ZNF14: variants seen among roughly 807,000 people sequenced by gnomAD.
ZNF14 encodes the protein gonadotropin inducible transcription repressor-4.
A neutral mutation model predicts 11.3 loss-of-function variants in ZNF14; 9 were observed. The observed-to-expected ratio is 0.80, with a 90% CI of 0.48 to 1.39. The LOEUF (loss-of-function observed/expected upper bound fraction) is 1.39. Among genes scored for constraint, ZNF14 ranks in the 40% most tolerant of loss-of-function variants. The pLI is 0.00. For synonymous variants in ZNF14, 239 were observed against 245.7 expected, an observed-to-expected ratio of 0.97 and a Z score of 0.25; for missense variants, 711 against 763.9, an observed-to-expected ratio of 0.93 and a Z score of 0.82.
At chr19:19,729,258 G>C (rs911070023) in intron 1 of ZNF14, among the ~76,000 whole-genome samples, 5 of 151,058 alleles carry the variant, frequency 3.3e-5, no homozygotes, top group African/African-American at 1.2e-4. Context: ...TTACAGGTGT[G>C]AGCCATTGTG....
In ZNF14 at chr19:19,710,482, A is replaced by AT. The variant is rs2062355351; in HGVS notation, c.*869_*870insA. 2 of 152,210 alleles carry AT rather than the reference A, an allele frequency of 1.3e-5. No homozygotes were observed. Among genetic ancestry groups the AT allele is most frequent in the African/African-American group, 2.4e-5 (1 of 41,458 alleles). The allele number at this position is 152,210 out of a possible 1,614,324, so 9.4% of individuals were successfully genotyped here. ...AAATGTTATAATTTATAAGATTGTA[A>AT]AATTTTATTACTGGGCTGTTTACAT... On this transcript the variant is annotated 3_prime_UTR_variant, in exon 4 of 4. Transcript: ENST00000344099.
rs2062361235 is a variant in ZNF14, at chr19:19,711,805, C to A, written c.1476G>T (p.Leu492=). ...TCTCTCCAGTGTGTGTTCTTTCATG[C>A]AGTCGAAAGGAACTGGAACGAATGA... The part of the protein sequence containing the change: ...KVFIRSSSFR[L]HERTHTGEKP... Residue 492 remains leucine, a synonymous_variant, in exon 4 of 4, where the codon CTG becomes CTT. Coordinates refer to ENST00000344099, the MANE Select transcript of ZNF14 (RefSeq NM_021030.3). 1 of 1,612,148 alleles carries A rather than the reference C, an allele frequency of 6.2e-7. No individual in the cohort carries two copies. Among genetic ancestry groups the A allele is most frequent in the Admixed American group, 1.7e-5 (1 of 59,832 alleles).
chr19:19,711,357 CTT>C lies in ZNF14; in HGVS notation c.1922_1923del (p.Lys641SerfsTer5). The C allele has an allele frequency of 6.5e-7, 1 of 1,543,188 alleles. No homozygotes were observed. Among genetic ancestry groups the C allele is most frequent in the Non-Finnish European group, 8.7e-7 (1 of 1,150,684 alleles). ...RLHERTHMGE[K>X]V The stretch of plus-strand genomic sequence containing the variant: ...TCAGAATGTTGCTTATATTCTTAGA[CTT>C]TCTCTCCCATATGAGTCCTTTCATG... On this transcript the variant is annotated frameshift_variant, in exon 4 of 4. Transcript: ENST00000344099. LOFTEE classifies it high-confidence loss of function.
rs752723335 is a variant in ZNF14 at position 19,711,473 on chromosome 19, C to T, written c.1808G>A (p.Arg603Gln). The T allele has an allele frequency of 1.7e-5, 27 of 1,613,772 alleles. No homozygotes were observed. The highest frequency in any genetic ancestry group is 1.6e-4 in the Middle Eastern group (1 of 6,084). The stretch of plus-strand genomic sequence containing the variant: ...TCCAGTGTGAGACCTTTCATGAATT[C>T]GAACAGAACTTGAAAATCTGAAGGC... Reference protein sequence around the residue: ...GKAFRFSSSVRIHERSHTGEK... With the variant: ...GKAFRFSSSVQIHERSHTGEK... The change falls in exon 4 of 4, where the codon CGA becomes CAA. Residue 603 changes from arginine (R) to glutamine (Q), a missense_variant. By Grantham distance (43) the Arg-to-Gln change is conservative. Transcript: ENST00000344099.
intron 1 of ZNF14, among the ~76,000 whole-genome samples, chr19:19,722,708 T>C (rs8113100): frequency 0.01 from 1,533 of 152,338 alleles, 25 homozygotes; most frequent in African/African-American, 0.035. Context: ...TCCATGAGCA[T>C]GGAATGTTCT....
intron 1 of ZNF14, among the ~76,000 whole-genome samples, chr19:19,729,157 T>C (rs1273642817): frequency 1.3e-5 from 2 of 151,632 alleles, no homozygotes; most frequent in Non-Finnish European, 1.5e-5. Flanking sequence ...TTGTATTTTT[T>C]AGTAGAGACA....
Position 19,712,600 on chromosome 19 carries a change from C to T in ZNF14, c.681G>A (p.Gln227=), listed in dbSNP as rs544461798. The T allele has an allele frequency of 1.2e-6, 2 of 1,613,492 alleles. No individual in the cohort carries two copies. Among genetic ancestry groups the T allele is most frequent in the Non-Finnish European group, 1.7e-6 (2 of 1,179,860 alleles). Reference sequence around the variant, plus strand: ...GGTAACATATAAAGGCTTTCCCACACTGTTTACATTCATAGGGTTTCTTTC... The same window carrying T: ...GGTAACATATAAAGGCTTTCCCACATTGTTTACATTCATAGGGTTTCTTTC... ...HTGKKPYECK[Q]CGKAFICYQS... is the part of the protein sequence containing the mutation. Residue 227 remains glutamine, a synonymous_variant, in exon 4 of 4, where the codon CAG becomes CAA. Coordinates refer to ENST00000344099, the MANE Select transcript of ZNF14 (RefSeq NM_021030.3).
Position 19,713,046 on chromosome 19 carries a change from T to C in ZNF14, c.235A>G (p.Lys79Glu). ...ERLCESRRGS[K>E]CGETTSQMPN... The stretch of plus-strand genomic sequence containing the variant: ...ATCTGGCTAGTGGTTTCTCCACATT[T>C]GCTACCTCTTCTACTTTCACAGAGT... The change falls in exon 4 of 4, where the codon AAA (lysine) becomes GAA (glutamate). Residue 79 changes from lysine to glutamate, a missense_variant. By Grantham distance (56) the Lys-to-Glu change is moderately conservative. Transcript: ENST00000344099. The C allele has an allele frequency of 6.2e-7, 1 of 1,611,540 alleles. No individual in the cohort carries two copies. The highest frequency in any genetic ancestry group is 8.5e-7 in the Non-Finnish European group (1 of 1,178,504).
rs907353062 is a variant in ZNF14 at position 19,725,369 on chromosome 19, T to C, written c.3+7587A>G. On this transcript the variant is annotated intron_variant, in intron 1 of 3. Coordinates refer to ENST00000344099, the MANE Select transcript of ZNF14 (RefSeq NM_021030.3). Reference sequence around the variant, plus strand: ...GTTTGGCTGGATATGAAATTCTGGGTTGAAAATTCTTTTCTTTAAGAATGT... The same window carrying C: ...GTTTGGCTGGATATGAAATTCTGGGCTGAAAATTCTTTTCTTTAAGAATGT... Among the ~76,000 whole-genome samples, 38 of 133,914 alleles carry C rather than the reference T, an allele frequency of 2.8e-4. 9 individuals carry two copies. Among genetic ancestry groups the C allele is most frequent in the African/African-American group, 1.0e-3 (38 of 36,262 alleles). The allele number at this position is 133,914 out of a possible 152,430, so 87.9% of individuals were successfully genotyped here.
Position 19,721,347 on chromosome 19 carries a change from T to C in ZNF14, c.4-6860A>G, listed in dbSNP as rs148749873. Among the ~76,000 whole-genome samples the C allele has an allele frequency of 5.9e-3, 894 of 152,278 alleles. 4 individuals are homozygous for C. Among genetic ancestry groups the C allele is most frequent in the Middle Eastern group, 0.027 (8 of 294 alleles). On this transcript the variant is annotated intron_variant, in intron 1 of 3. Coordinates refer to ENST00000344099, the MANE Select transcript of ZNF14 (RefSeq NM_021030.3). ...AGATTATACCTTACAAGGGGAGCAT[T>C]TGACTAAATGCCAACTCTATCTCCC...
chr19:19,718,710 A>T (rs781761212), intron 1 of ZNF14, among the ~76,000 whole-genome samples: 6 of 152,220 alleles, frequency 3.9e-5, no homozygotes, highest in Non-Finnish European at 8.8e-5. Context: ...AAAAACTTTG[A>T]AAGAAGTTAC....
intron 1 of ZNF14, among the ~76,000 whole-genome samples, chr19:19,721,124 AT>A (rs2145099768): frequency 6.6e-6 from 1 of 151,950 alleles, no homozygotes; most frequent in Admixed American, 6.6e-5. Flanking sequence ...TGCCCGGCTA[AT>A]TTTTGTATTT....
At position 19,711,738 on chromosome 19, in the gene ZNF14, A is replaced by C. The variant is rs1171444573; in HGVS notation, c.1543T>G (p.Ser515Ala). 2.5e-6 allele frequency: 4 copies of C among 1,614,120 alleles called. No homozygotes were observed. Among genetic ancestry groups the C allele is most frequent in the Non-Finnish European group, 3.4e-6 (4 of 1,180,030 alleles). ...CKLCGKTFSFSSSLREHEKIH... is the reference protein window; with the variant it reads ...CKLCGKTFSFASSLREHEKIH... ...TTTTCATGTTCTCGAAGGGAACTTG[A>C]AAAACTGAAGGTTTTACCGCATAGT... The change falls in exon 4 of 4, where the codon TCA (serine) becomes GCA (alanine). Residue 515 changes from serine to alanine, a missense_variant. Transcript: ENST00000344099.
In ZNF14 at chr19:19,713,105, A is replaced by G. The variant is rs535424017; in HGVS notation, c.192-16T>C. 170 of 1,546,476 alleles carry G rather than the reference A, an allele frequency of 1.1e-4. 2 individuals are homozygous for G. The South Asian group carries it at 2.0e-3, about 18-fold the overall frequency. On this transcript the variant is annotated splice_polypyrimidine_tract_variant and intron_variant, in intron 3 of 3. Coordinates refer to ENST00000344099, the MANE Select transcript of ZNF14 (RefSeq NM_021030.3). ...CATATGACATCTGTAAAAAATGAAT[A>G]GCACATTATTAGTGGCTTTTTAATT...
Position 19,712,931 on chromosome 19 carries a change from G to A in ZNF14, c.350C>T (p.Ser117Phe), listed in dbSNP as rs182457256. Residue 117 changes from serine (S) to phenylalanine (F), a missense_variant, in exon 4 of 4, where the codon TCC becomes TTC. Coordinates refer to ENST00000344099, the MANE Select transcript of ZNF14 (RefSeq NM_021030.3). ...FCGRDFIHHS[S>F]LNRHMRSHTG... The stretch of plus-strand genomic sequence containing the variant: ...GTGAGATCTCATGTGCCTATTAAGG[G>A]ACGAATGATGAATGAAGTCTCTTCC... 2.5e-6 allele frequency: 4 copies of A among 1,613,960 alleles called. No individual in the cohort carries two copies. The African/African-American group carries it at 5.3e-5, about 22-fold the overall frequency.
At chr19:19,717,518 T>G (rs2062381202) in intron 1 of ZNF14, among the ~76,000 whole-genome samples, 1 of 152,176 alleles carries the variant, frequency 6.6e-6, no homozygotes, top group Non-Finnish European at 1.5e-5. Context: ...TTTTCTCTTG[T>G]GAGGCTGGGG....
chr19:19,712,355 C>T lies in ZNF14; in HGVS notation c.926G>A (p.Cys309Tyr). 1 of 1,613,674 alleles carries T rather than the reference C, an allele frequency of 6.2e-7. No homozygotes were observed. Among genetic ancestry groups the T allele is most frequent in the Non-Finnish European group, 8.5e-7 (1 of 1,179,924 alleles). The change falls in exon 4 of 4, where the codon TGT becomes TAT. Residue 309 changes from cysteine (C) to tyrosine (Y), a missense_variant. Physicochemically the swap from Cys to Tyr is radical, Grantham distance 194. Transcript: ENST00000344099. ...AAAGAAGGCTTTTCCACATTCTTTACATTCATAGGGTTTCTCTCCACTATG... is the reference window on the plus strand; with the variant it reads ...AAAGAAGGCTTTTCCACATTCTTTATATTCATAGGGTTTCTCTCCACTATG... ...RTHSGEKPYE[C>Y]KECGKAFFYS...
chr19:19,721,048 C>A (rs1056770144), intron 1 of ZNF14, among the ~76,000 whole-genome samples: 1 of 152,226 alleles, frequency 6.6e-6, no homozygotes, highest in Non-Finnish European at 1.5e-5. Flanking sequence ...ACCTCCACCT[C>A]CCGGGTTCAA....
At position 19,717,345 on chromosome 19, in the gene ZNF14, G is replaced by A. The variant is rs374981274; in HGVS notation, c.4-2858C>T. ...CCATTGGTCGGTATGCAGAGCAGGT[G>A]GGATGTTTCCATGCATTCCCTGGGT... On this transcript the variant is annotated intron_variant, in intron 1 of 3. Transcript: ENST00000344099. Among the ~76,000 whole-genome samples the A allele has an allele frequency of 4.6e-5, 7 of 152,262 alleles. No individual in the cohort carries two copies. In the East Asian group the frequency reaches 1.2e-3, roughly 25 times the overall value.
Sources: allele counts gnomAD v4.1 joint callset (sites outside exome capture counted in the v4.1 genomes callset), GRCh38; gene constraint gnomAD v4.1.1; transcripts MANE v1.5; gene names NCBI Gene and HGNC (gene_info 2026-07-23, HGNC 2026-07-21).